The following PKHD1 variants were observed in gnomAD, a reference collection of about 807,000 sequenced individuals.
PKHD1 encodes the protein PKHD1 ciliary IPT domain containing fibrocystin/polyductin, also known as fibrocystin.
PKHD1 carries 291 observed loss-of-function variants against 412.0 expected under a neutral mutation model. That is an observed-to-expected ratio of 0.71 (90% CI 0.64 to 0.78). PKHD1 has a LOEUF of 0.78. Among genes scored for constraint, PKHD1 ranks in the 30% least tolerant of loss-of-function variants. PKHD1 has a pLI of 0.00. For synonymous variants in PKHD1, 1,777 were observed against 1,821.5 expected, an observed-to-expected ratio of 0.98 and a Z score of 0.62; for missense variants, 4,825 against 4,950.7, an observed-to-expected ratio of 0.97 and a Z score of 0.76.
At chr6:51,756,010 T>C (rs1786948972) in intron 55 of PKHD1, among the ~76,000 whole-genome samples, 1 of 152,158 alleles carries the variant, frequency 6.6e-6, no homozygotes, top group Admixed American at 6.5e-5. Context: ...AATACAGATG[T>C]TTAATATATA....
At position 51,615,320 on chromosome 6, in the gene PKHD1, CTG is replaced by C. The variant is rs529413206; in HGVS notation, c.*3759_*3760del. The C allele has an allele frequency of 6.3e-4, 96 of 152,270 alleles. No homozygotes were observed. Among genetic ancestry groups the C allele is most frequent in the African/African-American group, 2.3e-3 (94 of 41,562 alleles). 9.4% of individuals were successfully genotyped at this position (152,270 alleles called of 1,614,324 possible). A position where few individuals can be genotyped will look rare whatever the true frequency, so the allele number is the denominator to read the frequency against. On this transcript the variant is annotated 3_prime_UTR_variant, in exon 67 of 67. Coordinates refer to ENST00000371117, the MANE Select transcript of PKHD1 (RefSeq NM_138694.4). ...AGAATATTTGTAAACATTCAAATCT[CTG>C]TATTCTGCCACTTAATCCACATTTA...
intron 46 of PKHD1, among the ~76,000 whole-genome samples, chr6:51,881,292 G>A (rs9463734): frequency 0.35 from 52,329 of 151,594 alleles, 9,986 homozygotes; most frequent in East Asian, 0.74. Context: ...GTACACATAG[G>A]TTATAGTGAA....
intron 59 of PKHD1, among the ~76,000 whole-genome samples, chr6:51,745,129 A>T (rs1336140223): frequency 6.6e-6 from 1 of 152,164 alleles, no homozygotes. Flanking sequence ...ATGCTTTGAA[A>T]TACCATTAGT....
At chr6:51,953,440 C>T (rs544461565) in intron 36 of PKHD1, among the ~76,000 whole-genome samples, 49 of 152,072 alleles carry the variant, frequency 3.2e-4, no homozygotes, top group African/African-American at 1.2e-3. Context: ...AGGCCTGATG[C>T]ACAAAGAGAT....
In PKHD1 at chr6:52,024,504, T is replaced by C; in HGVS notation, c.5236+70A>G. ...AGGCAGATTGTGTTAATTTTCTACT[T>C]TCCAGAAGTGAAAGGAGCTACCAAT... On this transcript the variant is annotated intron_variant, in intron 32 of 66. Coordinates refer to ENST00000371117, the MANE Select transcript of PKHD1 (RefSeq NM_138694.4). 2.1e-6 allele frequency: 3 copies of C among 1,437,026 alleles called. No homozygotes were observed. The South Asian group carries it at 3.5e-5, about 17-fold the overall frequency. 89.0% of individuals were successfully genotyped at this position (1,437,026 alleles called of 1,614,324 possible).
At chr6:51,919,824 T>A (rs1239382238) in intron 37 of PKHD1, among the ~76,000 whole-genome samples, 2 of 152,238 alleles carry the variant, frequency 1.3e-5, no homozygotes, top group Non-Finnish European at 2.9e-5. Context: ...GGGTTTGTAG[T>A]TCTCCTTGAA....
chr6:51,657,057 G>A lies in PKHD1; in HGVS notation c.11174+1895C>T, dbSNP rs1771972472. 2.0e-5 allele frequency among the ~76,000 whole-genome samples: 3 copies of A among 150,710 alleles called. No individual in the cohort carries two copies. The South Asian group carries it at 6.3e-4, about 32-fold the overall frequency. On this transcript the variant is annotated intron_variant, in intron 61 of 66. Transcript: ENST00000371117. ...GCATATAAGCTCATTAAATTAACGA[G>A]AGCAAACCACTGGAGAACATCCTTG...
At chr6:51,735,680 CT>C (rs1400846919) in intron 60 of PKHD1, among the ~76,000 whole-genome samples, 1 of 152,100 alleles carries the variant, frequency 6.6e-6, no homozygotes, top group East Asian at 1.9e-4. Flanking sequence ...AATTGCAGCA[CT>C]TTGGGAGGCC....
chr6:51,722,187 C>T (rs1227368173), intron 60 of PKHD1, among the ~76,000 whole-genome samples: 1 of 152,144 alleles, frequency 6.6e-6, no homozygotes. Flanking sequence ...TGTGGAGGGT[C>T]CTTTTCTCCT....
chr6:51,847,804 T>C lies in PKHD1; in HGVS notation c.8078A>G (p.Asn2693Ser), dbSNP rs1355728826. 3.1e-6 allele frequency: 5 copies of C among 1,614,022 alleles called. No individual in the cohort carries two copies. The highest frequency in any genetic ancestry group is 3.4e-6 in the Non-Finnish European group (4 of 1,179,884). Residue 2693 changes from asparagine (N) to serine (S), a missense_variant, in exon 50 of 67, where the codon AAT becomes AGT. Physicochemically the swap from Asn to Ser is conservative, Grantham distance 46. Transcript: ENST00000371117. ...GQNQGCDWFFNSQLRQLTYLV... is the reference protein window; with the variant it reads ...GQNQGCDWFFSSQLRQLTYLV... ...ATAGGTGAGTTGCCTCAGCTGGCTA[T>C]TGAAGAACCAGTCACAGCCTTGGTT... is the stretch of plus-strand genomic sequence containing the variant.
intron 35 of PKHD1, among the ~76,000 whole-genome samples, chr6:51,994,748 C>G (rs1270771918): frequency 2.0e-5 from 3 of 152,028 alleles, no homozygotes; most frequent in Admixed American, 6.6e-5. Context: ...TGCCCAGCTA[C>G]TTTTTTGCAT....
At chr6:51,844,264 G>C (rs1770756787) in intron 50 of PKHD1, among the ~76,000 whole-genome samples, 2 of 152,102 alleles carry the variant, frequency 1.3e-5, no homozygotes, top group Admixed American at 1.3e-4. Flanking sequence ...CAATGCCCCA[G>C]GTAAAATAAC....
At position 52,053,242 on chromosome 6, in the gene PKHD1, G is replaced by A. The variant is rs199635188; in HGVS notation, c.1974C>T (p.Phe658=). ...AAGTCTCCCAGAGGTCAGTGCAATC[G>A]AACTGCCAGCTGAAAAACAGCATGG... ...LTRTSPESWQ[F]DCTDLWETCV... The change falls in exon 21 of 67, where the codon TTC becomes TTT. Residue 658 remains phenylalanine (F), a synonymous_variant. Transcript: ENST00000371117. The A allele has an allele frequency of 3.1e-5, 50 of 1,614,114 alleles. No individual in the cohort carries two copies. In the Admixed American group the frequency reaches 3.3e-4, roughly 11 times the overall value.
At chr6:51,761,431 C>G (rs1787991673) in intron 55 of PKHD1, among the ~76,000 whole-genome samples, 1 of 151,902 alleles carries the variant, frequency 6.6e-6, no homozygotes, top group African/African-American at 2.4e-5. Context: ...GCTGGTTTGG[C>G]TGGTGGTGGG....
At chr6:51,758,963 C>T (rs892682639) in intron 55 of PKHD1, among the ~76,000 whole-genome samples, 9 of 152,178 alleles carry the variant, frequency 5.9e-5, no homozygotes, top group African/African-American at 1.9e-4. Flanking sequence ...ATGATAATAA[C>T]TGCATTTGAC....
intron 60 of PKHD1, among the ~76,000 whole-genome samples, chr6:51,727,362 A>G (rs560650263): frequency 6.6e-6 from 1 of 152,276 alleles, no homozygotes; most frequent in East Asian, 1.9e-4. Flanking sequence ...AGAGGGATAT[A>G]AGGCAGAAAA....
At chr6:51,747,656 T>C (rs538728014) in intron 58 of PKHD1, 131 bp downstream of exon 58, 4 of 753,266 alleles carry the variant, frequency 5.3e-6, no homozygotes, top group South Asian at 4.6e-5. Flanking sequence ...TGGCTATCAA[T>C]ACTCAGCAGG....
At chr6:51,974,733 G>A (rs1440872013) in intron 35 of PKHD1, among the ~76,000 whole-genome samples, 3 of 152,140 alleles carry the variant, frequency 2.0e-5, no homozygotes, top group African/African-American at 7.2e-5. Context: ...AGGGATAAAA[G>A]ACTATACACA....
intron 48 of PKHD1, among the ~76,000 whole-genome samples, chr6:51,857,698 C>T (rs1773512197): frequency 6.6e-6 from 1 of 152,198 alleles, no homozygotes; most frequent in South Asian, 2.1e-4. Flanking sequence ...TACCATTCTG[C>T]ACTACTTATT....
Sources: gnomAD v4.1 joint callset for allele counts (sites outside exome capture counted in the v4.1 genomes callset) on GRCh38, gnomAD v4.1.1 for gene constraint, MANE v1.5 for transcripts, NCBI Gene and HGNC (gene_info 2026-07-23, HGNC 2026-07-21) for gene names.